TTC28: variants seen among roughly 807,000 people sequenced by gnomAD.
The protein encoded by TTC28 is tetratricopeptide repeat protein 28.
A neutral mutation model predicts 198.0 loss-of-function variants in TTC28; 61 were observed. The ratio of observed to expected loss-of-function variants is 0.31; its 90% CI spans 0.25 to 0.38. The LOEUF (loss-of-function observed/expected upper bound fraction) is 0.38. Ranked by LOEUF, TTC28 falls within the 10% of genes least tolerant of loss-of-function variation. The pLI, the probability that TTC28 is intolerant of heterozygous loss-of-function variation, is 1.00. For synonymous variants in TTC28, 1,171 were observed against 1,297.8 expected, an observed-to-expected ratio of 0.90 and a Z score of 2.10; for missense variants, 2,678 against 3,164.0, an observed-to-expected ratio of 0.85 and a Z score of 3.69.
At chr22:28,189,616 AG>A (rs1250986893) in intron 5 of TTC28, among the ~76,000 whole-genome samples, 1 of 151,952 alleles carries the variant, frequency 6.6e-6, no homozygotes, top group Admixed American at 6.6e-5. Flanking sequence ...TCAGGTCACC[AG>A]GGACAAAGGA....
chr22:28,493,188 T>A (rs1433683581), intron 2 of TTC28, among the ~76,000 whole-genome samples: 2 of 151,942 alleles, frequency 1.3e-5, no homozygotes, highest in Non-Finnish European at 2.9e-5. Flanking sequence ...AGACCCTGCC[T>A]CTACTAAATA....
At chr22:28,060,941 G>A (rs1940504933) in intron 12 of TTC28, among the ~76,000 whole-genome samples, 1 of 152,148 alleles carries the variant, frequency 6.6e-6, no homozygotes, top group Non-Finnish European at 1.5e-5. Context: ...ATCTCATTGT[G>A]GTTTTGATTT....
At position 28,612,104 on chromosome 22, in the gene TTC28, T is replaced by C. The variant is rs189097968; in HGVS notation, c.381+17448A>G. Among the ~76,000 whole-genome samples, 9 of 152,108 alleles carry C rather than the reference T, an allele frequency of 5.9e-5. No individual in the cohort carries two copies. In the East Asian group the frequency reaches 7.7e-4, roughly 13 times the overall value. ...CCCATCTCACATGCAAAGACGCACA[T>C]AGGCTCAAAATAAAGGAATGGAGGA... is the stretch of plus-strand genomic sequence containing the variant. On this transcript the variant is annotated intron_variant, in intron 2 of 22. Coordinates refer to ENST00000397906, the MANE Select transcript of TTC28 (RefSeq NM_001145418.2).
chr22:28,057,970 C>T (rs1940357019), intron 12 of TTC28, among the ~76,000 whole-genome samples: 1 of 152,100 alleles, frequency 6.6e-6, no homozygotes, highest in African/African-American at 2.4e-5. Context: ...TTCTTATGTG[C>T]CACACTGTCT....
At chr22:28,115,742 G>T (rs1942611499) in intron 6 of TTC28, among the ~76,000 whole-genome samples, 1 of 152,238 alleles carries the variant, frequency 6.6e-6, no homozygotes, top group African/African-American at 2.4e-5. Context: ...TTCCTTGAAG[G>T]ATAAGTGAAG....
chr22:28,676,554 C>T (rs550770012), intron 1 of TTC28, among the ~76,000 whole-genome samples: 188 of 152,206 alleles, frequency 1.2e-3, no homozygotes, highest in African/African-American at 4.5e-3. Context: ...TTTAAAGACA[C>T]TTTAAAAAGA....
At chr22:28,052,560 T>G (rs1940129330) in intron 12 of TTC28, among the ~76,000 whole-genome samples, 1 of 152,144 alleles carries the variant, frequency 6.6e-6, no homozygotes, top group African/African-American at 2.4e-5. Flanking sequence ...ATTTATGTAT[T>G]CCTTATGCCA....
chr22:28,163,711 G>A (rs1921519001), intron 5 of TTC28, 112 bp from the exon 6 acceptor site: 12 of 1,180,572 alleles, frequency 1.0e-5, no homozygotes, highest in Non-Finnish European at 1.4e-5. Context: ...AACAGCTCTA[G>A]TCTACAGCTC....
At position 28,081,152 on chromosome 22, in the gene TTC28, T is replaced by TACAC. The variant is rs59531236; in HGVS notation, c.3932+12924_3932+12927dup. Among the ~76,000 whole-genome samples, 47 of 149,126 alleles carry TACAC rather than the reference T, an allele frequency of 3.2e-4. 1 individual carries two copies. The Middle Eastern group carries it at 0.014, about 44-fold the overall frequency. Reference sequence around the variant, plus strand: ...ATTATATACATAATATGGACATACATACACACACACACACACACACACACA... The same window carrying TACAC: ...ATTATATACATAATATGGACATACATACACACACACACACACACACACACACACA... On this transcript the variant is annotated intron_variant, in intron 12 of 22. Coordinates refer to ENST00000397906, the MANE Select transcript of TTC28 (RefSeq NM_001145418.2).
chr22:28,398,282 A>G (rs1346622112), intron 2 of TTC28, among the ~76,000 whole-genome samples: 6 of 152,092 alleles, frequency 3.9e-5, no homozygotes, highest in Admixed American at 3.9e-4. Flanking sequence ...AGACACAAAG[A>G]GGGGGCCAGA....
chr22:28,398,081 A>G (rs5997363), intron 2 of TTC28, among the ~76,000 whole-genome samples: 7,034 of 152,272 alleles, frequency 0.046, 189 homozygotes, highest in African/African-American at 0.064. Flanking sequence ...GACTCCTGAA[A>G]CATAGGTACT....
intron 12 of TTC28, among the ~76,000 whole-genome samples, chr22:28,043,997 G>A (rs538780368): frequency 6.6e-5 from 10 of 152,102 alleles, no homozygotes; most frequent in South Asian, 2.1e-4. Context: ...ATGTGGTACC[G>A]CCAGCACCGT....
At chr22:28,243,700 G>T (rs1929866255) in intron 5 of TTC28, among the ~76,000 whole-genome samples, 1 of 152,092 alleles carries the variant, frequency 6.6e-6, no homozygotes, top group South Asian at 2.1e-4. Context: ...GTGGCATGTG[G>T]GGTGGGATGG....
chr22:28,124,361 G>C (rs756671825), intron 6 of TTC28, among the ~76,000 whole-genome samples: 1 of 152,156 alleles, frequency 6.6e-6, no homozygotes, highest in Non-Finnish European at 1.5e-5. Flanking sequence ...TCTATAGCTA[G>C]ATGATAGAAT....
intron 1 of TTC28, among the ~76,000 whole-genome samples, chr22:28,679,408 C>T (rs1569096557): frequency 6.6e-6 from 1 of 152,190 alleles, no homozygotes; most frequent in African/African-American, 2.4e-5. Flanking sequence ...CACCCTCACA[C>T]ACCCACACAC....
intron 2 of TTC28, among the ~76,000 whole-genome samples, chr22:28,549,412 C>T (rs779999821): frequency 7.9e-5 from 12 of 152,154 alleles, no homozygotes; most frequent in Non-Finnish European, 1.6e-4. Flanking sequence ...CATTTAAGGG[C>T]TCTAAGTTTC....
intron 5 of TTC28, among the ~76,000 whole-genome samples, chr22:28,287,719 C>T (rs184874772): frequency 1.3e-5 from 2 of 152,098 alleles, no homozygotes; most frequent in Non-Finnish European, 2.9e-5. Context: ...TGGACTTTAT[C>T]CTGGAGGGAA....
intron 2 of TTC28, among the ~76,000 whole-genome samples, chr22:28,541,419 A>G (rs1229966753): frequency 6.6e-6 from 1 of 152,198 alleles, no homozygotes; most frequent in Non-Finnish European, 1.5e-5. Context: ...GGCAGGGCAA[A>G]GCCTCCAAAA....
chr22:28,420,802 T>C (rs536024599), intron 2 of TTC28, among the ~76,000 whole-genome samples: 19 of 152,204 alleles, frequency 1.2e-4, no homozygotes, highest in Admixed American at 1.2e-3. Flanking sequence ...GGATTCACCA[T>C]GTTGGCCAGG....
Sources: gnomAD v4.1 joint callset for allele counts (sites outside exome capture counted in the v4.1 genomes callset) on GRCh38, gnomAD v4.1.1 for gene constraint, MANE v1.5 for transcripts, NCBI Gene and HGNC (gene_info 2026-07-23, HGNC 2026-07-21) for gene names.